POU2F3: variants seen among roughly 807,000 people sequenced by gnomAD.
POU2F3 encodes POU domain, class 2, transcription factor 3.
Under a neutral mutation model 59.2 loss-of-function variants are expected in POU2F3, and 23 were observed. That is an observed-to-expected ratio of 0.39 (90% CI 0.28 to 0.55). The LOEUF (loss-of-function observed/expected upper bound fraction) is 0.55. POU2F3 is among the 20% of genes least tolerant of loss of function. The pLI is 0.66. For missense variants in POU2F3, 473 were observed against 544.5 expected (o/e 0.87, Z 1.31); for synonymous variants, 190 against 214.6 (o/e 0.89, Z 1.00).
chr11:120,240,393 C>A (rs1938611663), intron 1 of POU2F3, 22 bp downstream of exon 1: 1 of 1,407,850 alleles, frequency 7.1e-7, no homozygotes, highest in Non-Finnish European at 9.3e-7. Flanking sequence ...AGGGAATGAG[C>A]TCTGACAGGT....
intron 3 of POU2F3, among the ~76,000 whole-genome samples, chr11:120,270,253 G>T (rs1279473339): frequency 6.6e-6 from 1 of 152,122 alleles, no homozygotes; most frequent in African/African-American, 2.4e-5. Flanking sequence ...TTAGGACATG[G>T]TCTCTGCCTT....
At chr11:120,236,646 C>T (rs1353721477), upstream of POU2F3, 4 of 1,477,600 alleles carry the variant, frequency 2.7e-6, no homozygotes, top group East Asian at 2.5e-5. Context: ...CTATCTCACT[C>T]CAGCCCAGAG....
Position 120,302,336 on chromosome 11 carries a change from C to T in POU2F3, c.412C>T (p.Leu138Phe). 6.2e-7 allele frequency: 1 copy of T among 1,612,764 alleles called. No homozygotes were observed. The highest frequency in any genetic ancestry group is 8.5e-7 in the Non-Finnish European group (1 of 1,178,762). ...PFPQQQSGLL[L>F]PQTGPGLASQ... ...TCCACAGCAACAAAGCGGTCTCCTC[C>T]TCCCACAGACTGGGCCGGGACTGGC... is the stretch of plus-strand genomic sequence containing the variant. Residue 138 changes from leucine to phenylalanine, a missense_variant, in exon 6 of 13, where the codon CTC becomes TTC. Transcript: ENST00000543440.
intron 9 of POU2F3, 98 bp from the exon 10 acceptor site, chr11:120,309,327 T>A: frequency 7.8e-7 from 1 of 1,278,294 alleles, no homozygotes; most frequent in South Asian, 1.5e-5. Context: ...TCTAAAGCTT[T>A]TGATCCATGT....
chr11:120,273,380 G>T (rs1348071219), intron 3 of POU2F3, among the ~76,000 whole-genome samples: 2 of 152,228 alleles, frequency 1.3e-5, no homozygotes, highest in African/African-American at 4.8e-5. Context: ...TTACAGAAGA[G>T]ATGGTGTCTG....
chr11:120,274,209 C>T (rs569437581), intron 3 of POU2F3, among the ~76,000 whole-genome samples: 3 of 152,076 alleles, frequency 2.0e-5, no homozygotes, highest in Non-Finnish European at 4.4e-5. Flanking sequence ...CTAGCTCCAG[C>T]ACTACCTGAC....
intron 7 of POU2F3, 164 bp from the exon 8 acceptor site, chr11:120,305,480 G>T: frequency 8.6e-7 from 1 of 1,165,198 alleles, no homozygotes; most frequent in Non-Finnish European, 1.2e-6. Context: ...GAAAGAAACC[G>T]ATTCTTCACC....
chr11:120,236,808 C>T (rs910359809), upstream of POU2F3: 15 of 1,192,618 alleles, frequency 1.3e-5, no homozygotes, highest in African/African-American at 1.5e-5. Flanking sequence ...CATTCCCCCT[C>T]AACCCTATAC....
chr11:120,270,779 A>G (rs975705760), intron 3 of POU2F3, among the ~76,000 whole-genome samples: 3 of 152,088 alleles, frequency 2.0e-5, no homozygotes, highest in African/African-American at 7.2e-5. Flanking sequence ...TGCAGCCTTG[A>G]CTTCTGGGGC....
chr11:120,289,526 C>A (rs1164999294), intron 3 of POU2F3, among the ~76,000 whole-genome samples: 1 of 152,142 alleles, frequency 6.6e-6, no homozygotes, highest in East Asian at 1.9e-4. Context: ...CTTTTGTCTT[C>A]TGCCATGGGC....
At chr11:120,304,931 G>A in intron 6 of POU2F3, 99 bp from the exon 7 acceptor site, 1 of 929,748 alleles carries the variant, frequency 1.1e-6, no homozygotes, top group Non-Finnish European at 1.5e-6. Flanking sequence ...TCCTCTAAGT[G>A]GGCCTATTAG....
intron 1 of POU2F3, among the ~76,000 whole-genome samples, chr11:120,245,626 G>A (rs1033549614): frequency 6.6e-6 from 1 of 152,198 alleles, no homozygotes; most frequent in Non-Finnish European, 1.5e-5. Flanking sequence ...GACCCCAAGA[G>A]GAGACTTAGG....
At chr11:120,275,808 G>A (rs1490151014) in intron 3 of POU2F3, among the ~76,000 whole-genome samples, 7 of 152,146 alleles carry the variant, frequency 4.6e-5, no homozygotes, top group African/African-American at 1.2e-4. Flanking sequence ...GGACACCTGC[G>A]CCAGCTCGTC....
At chr11:120,290,231 C>T (rs1345594051) in intron 3 of POU2F3, among the ~76,000 whole-genome samples, 2 of 152,206 alleles carry the variant, frequency 1.3e-5, no homozygotes, top group African/African-American at 4.8e-5. Flanking sequence ...CCTTCAGAGG[C>T]AAGCTTCCAA....
At chr11:120,257,578 C>T (rs1939397076) in intron 2 of POU2F3, among the ~76,000 whole-genome samples, 2 of 152,118 alleles carry the variant, frequency 1.3e-5, no homozygotes, top group African/African-American at 2.4e-5. Flanking sequence ...CACCTTTCCC[C>T]TGCACTCCAG....
chr11:120,244,828 C>T (rs946818673), intron 1 of POU2F3, among the ~76,000 whole-genome samples: 1 of 152,116 alleles, frequency 6.6e-6, no homozygotes, highest in Non-Finnish European at 1.5e-5. Context: ...GCAAATGTGT[C>T]TGGGCGGTCC....
chr11:120,282,828 G>T (rs1431252712), intron 3 of POU2F3, among the ~76,000 whole-genome samples: 1 of 152,158 alleles, frequency 6.6e-6, no homozygotes, highest in Non-Finnish European at 1.5e-5. Context: ...CACAGTGTGT[G>T]ATCCTAACAA....
At chr11:120,241,121 G>A (rs1006305353) in intron 1 of POU2F3, among the ~76,000 whole-genome samples, 1 of 152,250 alleles carries the variant, frequency 6.6e-6, no homozygotes, top group African/African-American at 2.4e-5. Context: ...CAGGCAGCCA[G>A]GTTGGGCTTG....
chr11:120,301,263 T>G (rs773960870), intron 5 of POU2F3: 4 of 321,182 alleles, frequency 1.2e-5, no homozygotes, highest in Non-Finnish European at 2.4e-5. Context: ...CTCTGCCTCA[T>G]GAGATTATTG....
Sources: gnomAD v4.1 joint callset for allele counts (sites outside exome capture counted in the v4.1 genomes callset) on GRCh38, gnomAD v4.1.1 for gene constraint, MANE v1.5 for transcripts, NCBI Gene and HGNC (gene_info 2026-07-23, HGNC 2026-07-21) for gene names.